The following WNK1 variants were observed in gnomAD, a reference collection of about 807,000 sequenced individuals.
The protein encoded by WNK1 is WNK lysine deficient protein kinase 1, also known as serine/threonine-protein kinase WNK1.
Under a neutral mutation model 222.8 loss-of-function variants are expected in WNK1, and 38 were observed. The observed-to-expected ratio is 0.17, with a 90% CI of 0.13 to 0.22. The LOEUF (loss-of-function observed/expected upper bound fraction) is 0.22, where lower values mean the gene tolerates loss of function less well. Among genes scored for constraint, WNK1 ranks in the 10% least tolerant of loss-of-function variants. The probability of loss-of-function intolerance (pLI) is 1.00; values close to 1 mark genes in which losing one functional copy is unlikely to be tolerated. For synonymous variants in WNK1, 1,090 were observed against 1,092.9 expected (o/e 1.00, Z 0.05); for missense variants, 2,348 against 2,918.4 (o/e 0.80, Z 4.50).
chr12:868,248 C>T lies in WNK1; in HGVS notation c.2140-3017C>T. ...CCTGGACTAGTACTTCCAGAAGAAG[C>T]TCACTATTTTATTCCTCAGGAAGCA... On this transcript the variant is annotated intron_variant, in intron 8 of 27. Transcript: ENST00000315939. 5 of 1,602,700 alleles carry T rather than the reference C, an allele frequency of 3.1e-6. No homozygotes were observed. Among genetic ancestry groups the T allele is most frequent in the Non-Finnish European group, 3.4e-6 (4 of 1,173,898 alleles).
intron 8 of WNK1, chr12:865,394 A>G: frequency 6.6e-7 from 1 of 1,525,326 alleles, no homozygotes; most frequent in East Asian, 2.5e-5. Context: ...TGACAAATGA[A>G]CAATTATTAC....
chr12:859,123 C>T (rs1310954289), intron 5 of WNK1, 122 bp from the exon 6 acceptor site: 2 of 815,336 alleles, frequency 2.5e-6, no homozygotes, highest in Non-Finnish European at 4.1e-6. Flanking sequence ...GTTATACTTT[C>T]CCCTGTATTT....
chr12:760,512 T>C (rs1463800839), intron 1 of WNK1, among the ~76,000 whole-genome samples: 1 of 147,562 alleles, frequency 6.8e-6, no homozygotes, highest in African/African-American at 2.4e-5. Flanking sequence ...CTTTGAAAAA[T>C]GTTAAGTGTT....
rs894601906 is a variant in WNK1, at chr12:900,890, G to C, written c.6643+220G>C. The C allele has an allele frequency of 4.2e-5, 26 of 626,152 alleles. 1 individual carries two copies. In the African/African-American group the frequency reaches 4.4e-4, roughly 11 times the overall value. 38.8% of individuals were successfully genotyped at this position (626,152 alleles called of 1,614,324 possible). A position where few individuals can be genotyped will look rare whatever the true frequency, so the allele number is the denominator to read the frequency against. ...AATTACTTTTTTTCAAGGAATTACAGTGAAAAGTTACATCTGTGTGGCCTA... is the reference window on the plus strand; with the variant it reads ...AATTACTTTTTTTCAAGGAATTACACTGAAAAGTTACATCTGTGTGGCCTA... On this transcript the variant is annotated intron_variant, in intron 26 of 27. Coordinates refer to ENST00000315939, the MANE Select transcript of WNK1 (RefSeq NM_018979.4).
chr12:799,236 A>G (rs1591755912), intron 1 of WNK1, among the ~76,000 whole-genome samples: 1 of 150,836 alleles, frequency 6.6e-6, no homozygotes, highest in Non-Finnish European at 1.5e-5. Context: ...CAATCCTCCC[A>G]CCTCACCTCC....
chr12:837,593 G>T (rs1410867229), intron 4 of WNK1, among the ~76,000 whole-genome samples: 1 of 142,220 alleles, frequency 7.0e-6, no homozygotes, highest in Non-Finnish European at 1.5e-5. Context: ...AAAAAAAAAA[G>T]AAAAGAAAAG....
chr12:856,256 T>C (rs994961232), intron 4 of WNK1, among the ~76,000 whole-genome samples: 3 of 151,670 alleles, frequency 2.0e-5, no homozygotes, highest in Non-Finnish European at 4.4e-5. Flanking sequence ...GAGACCAGCC[T>C]GGCCAACATG....
intron 4 of WNK1, among the ~76,000 whole-genome samples, chr12:843,359 A>AT (rs1258441683): frequency 6.6e-6 from 1 of 152,254 alleles, no homozygotes; most frequent in Non-Finnish European, 1.5e-5. Flanking sequence ...ATAAATTAAA[A>AT]TAGAATTTGC....
chr12:783,908 CAAAAAAAAAAAAAAA>C (rs1261411899), intron 1 of WNK1, among the ~76,000 whole-genome samples: 990 of 26,894 alleles, frequency 0.037, 1 homozygote, highest in Middle Eastern at 0.058. Context: ...CTGTCTCCAC[CAAAAAAAAAAAAAAA>C]AAAAAAAAAA....
intron 4 of WNK1, among the ~76,000 whole-genome samples, chr12:855,920 A>G (rs969312360): frequency 1.3e-5 from 2 of 151,766 alleles, no homozygotes; most frequent in African/African-American, 4.8e-5. Flanking sequence ...GCTCACTGCA[A>G]CCTCTGCCTC....
intron 2 of WNK1, among the ~76,000 whole-genome samples, chr12:817,753 A>G (rs1485275887): frequency 6.6e-6 from 1 of 152,094 alleles, no homozygotes; most frequent in Non-Finnish European, 1.5e-5. Context: ...TCAGTTCGAA[A>G]CCAGCCTGTC....
chr12:869,883 ATT>A (rs1951996602), intron 8 of WNK1, among the ~76,000 whole-genome samples: 1 of 151,836 alleles, frequency 6.6e-6, no homozygotes, highest in African/African-American at 2.4e-5. Flanking sequence ...TAGGCCTTGT[ATT>A]TTCCTCAACA....
intron 2 of WNK1, among the ~76,000 whole-genome samples, chr12:815,894 G>A (rs1404765001): frequency 1.3e-5 from 2 of 152,182 alleles, no homozygotes; most frequent in Non-Finnish European, 2.9e-5. Flanking sequence ...TATAATAAAA[G>A]TTTTTTCCAA....
rs981900936 is a variant in WNK1 at position 900,021 on chromosome 12, T to C, written c.6449-455T>C. ...TATTACCTATGGATTCTTTTCTTTT[T>C]TTTTTTTTTTTTTTGAGTGCAGTGG... On this transcript the variant is annotated intron_variant, in intron 25 of 27. Coordinates refer to ENST00000315939, the MANE Select transcript of WNK1 (RefSeq NM_018979.4). Among the ~76,000 whole-genome samples, 4 of 106,160 alleles carry C rather than the reference T, an allele frequency of 3.8e-5. No homozygotes were observed. The South Asian group carries it at 1.0e-3, about 27-fold the overall frequency. 69.6% of individuals were successfully genotyped at this position (106,160 alleles called of 152,430 possible). A position where few individuals can be genotyped will look rare whatever the true frequency, so the allele number is the denominator to read the frequency against.
chr12:806,290 C>T (rs1054690122), intron 1 of WNK1, among the ~76,000 whole-genome samples: 1 of 152,056 alleles, frequency 6.6e-6, no homozygotes, highest in African/African-American at 2.4e-5. Flanking sequence ...AACAAGAGTC[C>T]TTATCTGTAG....
intron 9 of WNK1, among the ~76,000 whole-genome samples, chr12:877,465 G>A (rs1257018775): frequency 1.3e-5 from 2 of 152,096 alleles, no homozygotes; most frequent in Non-Finnish European, 2.9e-5. Flanking sequence ...TTTAGTATTC[G>A]AGTACAGTTA....
chr12:844,750 C>A (rs554600094), intron 4 of WNK1, among the ~76,000 whole-genome samples: 1 of 151,978 alleles, frequency 6.6e-6, no homozygotes, highest in African/African-American at 2.4e-5. Context: ...TTGTTACTTT[C>A]CTAAAAGTTT....
intron 4 of WNK1, among the ~76,000 whole-genome samples, chr12:853,633 A>G (rs545274309): frequency 6.6e-6 from 1 of 152,346 alleles, no homozygotes; most frequent in East Asian, 1.9e-4. Flanking sequence ...TGTCCTTTCA[A>G]TGTGCCTATG....
intron 4 of WNK1, among the ~76,000 whole-genome samples, chr12:852,352 A>G (rs763566655): frequency 1.3e-5 from 2 of 152,174 alleles, no homozygotes; most frequent in Non-Finnish European, 2.9e-5. Context: ...ATTGTGCAGA[A>G]GTGGCCTTTG....
Sources: gnomAD v4.1 joint callset for allele counts (sites outside exome capture counted in the v4.1 genomes callset) on GRCh38, gnomAD v4.1.1 for gene constraint, MANE v1.5 for transcripts, NCBI Gene and HGNC (gene_info 2026-07-23, HGNC 2026-07-21) for gene names.